SNTG1: variants seen among roughly 807,000 people sequenced by gnomAD.
The protein encoded by SNTG1 is gamma-1-syntrophin.
SNTG1 carries 39 observed loss-of-function variants against 74.7 expected under a neutral mutation model. The observed-to-expected ratio is 0.52, with a 90% CI of 0.40 to 0.68. SNTG1 has a LOEUF of 0.68. SNTG1 is among the 30% of genes least tolerant of loss of function. SNTG1 has a pLI of 0.00. For synonymous variants in SNTG1, 254 were observed against 217.1 expected (o/e 1.17, Z -1.49); for missense variants, 685 against 609.5 (o/e 1.12, Z -1.30).
intron 15 of SNTG1, among the ~76,000 whole-genome samples, chr8:50,671,202 T>C (rs1418815805): frequency 6.6e-6 from 1 of 151,868 alleles, no homozygotes; most frequent in Non-Finnish European, 1.5e-5. Flanking sequence ...TGGGATCTAA[T>C]TAAACTAAAG....
intron 9 of SNTG1, among the ~76,000 whole-genome samples, chr8:50,512,702 T>C (rs2094092335): frequency 6.6e-6 from 1 of 152,226 alleles, no homozygotes; most frequent in Admixed American, 6.5e-5. Flanking sequence ...TTCCAGTTGA[T>C]CGAATTGGCT....
At chr8:50,232,540 G>A (rs1334056814) in intron 2 of SNTG1, among the ~76,000 whole-genome samples, 1 of 151,382 alleles carries the variant, frequency 6.6e-6, no homozygotes, top group African/African-American at 2.4e-5. Flanking sequence ...AAGGCAAGAT[G>A]TTTACTCTTT....
chr8:50,303,148 C>A (rs145982167), intron 2 of SNTG1, among the ~76,000 whole-genome samples: 1 of 152,216 alleles, frequency 6.6e-6, no homozygotes, highest in East Asian at 1.9e-4. Flanking sequence ...AGTAGCATTT[C>A]TATGGTCTCT....
At chr8:50,086,402 A>G (rs980399041) in intron 1 of SNTG1, among the ~76,000 whole-genome samples, 1 of 152,204 alleles carries the variant, frequency 6.6e-6, no homozygotes, top group Non-Finnish European at 1.5e-5. Context: ...TAATTTAGAA[A>G]AATGGAATCT....
At chr8:50,524,507 T>C (rs143374554) in intron 9 of SNTG1, among the ~76,000 whole-genome samples, 45 of 152,270 alleles carry the variant, frequency 3.0e-4, no homozygotes, top group Non-Finnish European at 4.9e-4. Flanking sequence ...GTCAATCACA[T>C]ACACTGCCTT....
intron 2 of SNTG1, among the ~76,000 whole-genome samples, chr8:50,323,997 C>T (rs1278143080): frequency 6.6e-6 from 1 of 152,170 alleles, no homozygotes; most frequent in African/African-American, 2.4e-5. Context: ...AACATGTCAC[C>T]CTAACCCACC....
At chr8:50,278,880 G>A (rs2088273683) in intron 2 of SNTG1, among the ~76,000 whole-genome samples, 1 of 151,938 alleles carries the variant, frequency 6.6e-6, no homozygotes, top group Non-Finnish European at 1.5e-5. Flanking sequence ...ACAGTTATTA[G>A]ACTGGCATTT....
chr8:50,256,661 A>G (rs980902088), intron 2 of SNTG1, among the ~76,000 whole-genome samples: 2 of 152,144 alleles, frequency 1.3e-5, no homozygotes, highest in Non-Finnish European at 2.9e-5. Context: ...AATTTTAAAA[A>G]GAAAGTTATT....
intron 4 of SNTG1, among the ~76,000 whole-genome samples, chr8:50,423,453 A>G (rs1177337306): frequency 6.6e-6 from 1 of 152,206 alleles, no homozygotes; most frequent in African/African-American, 2.4e-5. Flanking sequence ...CCAAAAGTTC[A>G]TTTATTCACT....
intron 5 of SNTG1, among the ~76,000 whole-genome samples, chr8:50,446,015 A>G (rs1432969339): frequency 6.6e-6 from 1 of 152,172 alleles, no homozygotes; most frequent in Non-Finnish European, 1.5e-5. Context: ...CTGGCCAGAC[A>G]ACAGTGCATG....
chr8:50,253,676 TACAC>T (rs34323604), intron 2 of SNTG1, among the ~76,000 whole-genome samples: 1 of 151,120 alleles, frequency 6.6e-6, no homozygotes, highest in Non-Finnish European at 1.5e-5. Flanking sequence ...CATATATGTA[TACAC>T]ACACACATAT....
At chr8:50,250,264 G>GA (rs963207974) in intron 2 of SNTG1, among the ~76,000 whole-genome samples, 2 of 150,626 alleles carry the variant, frequency 1.3e-5, no homozygotes, top group East Asian at 2.0e-4. Flanking sequence ...AACCCTATCA[G>GA]AAAAAAATTT....
intron 2 of SNTG1, among the ~76,000 whole-genome samples, chr8:50,252,362 G>C (rs982242993): frequency 6.6e-6 from 1 of 151,910 alleles, no homozygotes. Flanking sequence ...ATAAAGCTCA[G>C]ACCTAAATAA....
chr8:50,687,067 G>C (rs1436539851), intron 15 of SNTG1, among the ~76,000 whole-genome samples: 2 of 151,016 alleles, frequency 1.3e-5, no homozygotes, highest in African/African-American at 4.9e-5. Flanking sequence ...CCCGGGAAGC[G>C]GAGCTTGCAG....
intron 15 of SNTG1, among the ~76,000 whole-genome samples, chr8:50,703,020 A>T (rs991507952): frequency 1.3e-5 from 2 of 152,218 alleles, no homozygotes; most frequent in Non-Finnish European, 1.5e-5. Flanking sequence ...TCAATGAATG[A>T]GTGATGAGTA....
At chr8:50,026,830 T>C (rs1052009442) in intron 1 of SNTG1, among the ~76,000 whole-genome samples, 1 of 152,206 alleles carries the variant, frequency 6.6e-6, no homozygotes, top group Non-Finnish European at 1.5e-5. Flanking sequence ...TTAAAACCTA[T>C]ATTTTTTCAC....
At chr8:49,991,783 G>A (rs891490956) in intron 1 of SNTG1, among the ~76,000 whole-genome samples, 1 of 152,118 alleles carries the variant, frequency 6.6e-6, no homozygotes, top group Non-Finnish European at 1.5e-5. Context: ...AAATAGGTTC[G>A]TGGTTGCCAG....
At chr8:50,691,053 A>G (rs1247768771) in intron 15 of SNTG1, among the ~76,000 whole-genome samples, 1 of 152,128 alleles carries the variant, frequency 6.6e-6, no homozygotes, top group Non-Finnish European at 1.5e-5. Context: ...TTGTTTTATC[A>G]GAGACTAGGA....
intron 9 of SNTG1, among the ~76,000 whole-genome samples, chr8:50,506,116 C>T (rs1015631120): frequency 2.6e-5 from 4 of 151,982 alleles, no homozygotes; most frequent in African/African-American, 9.7e-5. Context: ...CTATTCTTTC[C>T]CTATTGTATA....
Sources: gnomAD v4.1 joint callset for allele counts (sites outside exome capture counted in the v4.1 genomes callset) on GRCh38, gnomAD v4.1.1 for gene constraint, MANE v1.5 for transcripts, NCBI Gene and HGNC (gene_info 2026-07-23, HGNC 2026-07-21) for gene names.